Variants in KIF1A observed in about 807,000 individuals in gnomAD.
KIF1A encodes kinesin-like protein KIF1A.
KIF1A carries 46 observed loss-of-function variants against 227.3 expected under a neutral mutation model. The ratio of observed to expected loss-of-function variants is 0.20; its 90% CI spans 0.16 to 0.26. KIF1A has a LOEUF of 0.26. KIF1A is among the 10% of genes least tolerant of loss of function. KIF1A has a pLI of 1.00. For synonymous variants in KIF1A, 1,022 were observed against 1,012.8 expected, an observed-to-expected ratio of 1.01 and a Z score of -0.17; for missense variants, 1,683 against 2,485.9, an observed-to-expected ratio of 0.68 and a Z score of 6.87.
chr2:240,820,485 C>T (rs1039025731), upstream of KIF1A, among the ~76,000 whole-genome samples: 1 of 151,712 alleles, frequency 6.6e-6, no homozygotes, highest in African/African-American at 2.4e-5. The surrounding 1 kb of genome is among the most constrained non-coding windows in gnomAD (Gnocchi z 6.2). Context: ...AGCGTCCCCT[C>T]CCCCGGCGTG....
chr2:240,720,887 C>T, intron 45 of KIF1A, 27 bp downstream of exon 45: 1 of 1,531,828 alleles, frequency 6.5e-7, no homozygotes, highest in Non-Finnish European at 8.8e-7. Context: ...TGCCAGAAGC[C>T]ACTCCGGGAG....
At position 240,762,784 on chromosome 2, in the gene KIF1A, T is replaced by C. The variant is rs1263392842; in HGVS notation, c.2051A>G (p.Gln684Arg). The C allele has an allele frequency of 6.2e-7, 1 of 1,600,152 alleles. No individual in the cohort carries two copies. Among genetic ancestry groups the C allele is most frequent in the Non-Finnish European group, 8.5e-7 (1 of 1,170,528 alleles). Residue 684 changes from glutamine to arginine, a missense_variant, in exon 23 of 49, where the codon CAG becomes CGG. By Grantham distance (43) the Gln-to-Arg change is conservative (BLOSUM62 1). This residue lies in a region of KIF1A where 217 missense variants were observed against 427.0 expected (regional missense o/e 0.51). Coordinates refer to ENST00000498729, the MANE Select transcript of KIF1A (RefSeq NM_001244008.2). ...GTAGTACCTGGAGTCCATCTGCTTC[T>C]GCAGAGCCTCCAGCTTGCTCTCATA... The part of the protein sequence containing the change: ...LDYESKLEAL[Q>R]KQMDSRYYPE...
chr2:240,819,962 C>T (rs942767275), intron 1 of KIF1A, among the ~76,000 whole-genome samples, 160 bp downstream of exon 1: 3 of 152,082 alleles, frequency 2.0e-5, no homozygotes, highest in African/African-American at 7.2e-5. Flanking sequence ...AGTGAAGGGG[C>T]CTCGCAGTGC....
At chr2:240,807,032 A>G (rs1208419524) in intron 1 of KIF1A, among the ~76,000 whole-genome samples, 1 of 151,084 alleles carries the variant, frequency 6.6e-6, no homozygotes, top group Non-Finnish European at 1.5e-5. Flanking sequence ...AGTCCCTCAT[A>G]TGAGCTGGTG....
chr2:240,760,894 C>A, intron 24 of KIF1A, 51 bp from the exon 25 acceptor site: 1 of 1,535,872 alleles, frequency 6.5e-7, no homozygotes, highest in Non-Finnish European at 8.8e-7. Flanking sequence ...GACAGGGTGC[C>A]AGGTCCCCAA....
At chr2:240,768,459 C>T (rs999304253) in intron 17 of KIF1A, among the ~76,000 whole-genome samples, 25 of 152,370 alleles carry the variant, frequency 1.6e-4, no homozygotes, top group African/African-American at 6.0e-4. Flanking sequence ...TATGGACACA[C>T]AGGTGTCTGT....
At chr2:240,719,255 G>A in intron 46 of KIF1A, 57 bp from the exon 47 acceptor site, 6 of 1,545,604 alleles carry the variant, frequency 3.9e-6, no homozygotes, top group Non-Finnish European at 5.3e-6. Context: ...GACTGACTCG[G>A]GCACTCACCA....
At chr2:240,753,016 G>C (rs941004332) in intron 27 of KIF1A, among the ~76,000 whole-genome samples, 1 of 152,200 alleles carries the variant, frequency 6.6e-6, no homozygotes, top group Non-Finnish European at 1.5e-5. Context: ...CCAAAGCTTA[G>C]GGCAATTCCA....
chr2:240,775,876 C>T lies in KIF1A; in HGVS notation c.933G>A (p.Leu311=), dbSNP rs375492399. The change falls in exon 11 of 49, where the codon TTG becomes TTA. Residue 311 remains leucine (L), a synonymous_variant. Transcript: ENST00000498729. This position sits in a 1 kb window ranked among gnomAD's most constrained non-coding sequence, Gnocchi z 5.5. Reference sequence around the variant, plus strand: ...CCAGGTTTTCCCGGAGGAGCCAGGTCAACACGGAATCTCGGTACGGAATGA... The same window carrying T: ...CCAGGTTTTCCCGGAGGAGCCAGGTTAACACGGAATCTCGGTACGGAATGA... The part of the protein sequence containing the change: ...TDFIPYRDSV[L]TWLLRENLGG... 4.3e-6 allele frequency: 7 copies of T among 1,612,300 alleles called. No individual in the cohort carries two copies. Among genetic ancestry groups the T allele is most frequent in the Non-Finnish European group, 5.9e-6 (7 of 1,178,430 alleles).
At chr2:240,780,953 G>T (rs148242857) in intron 10 of KIF1A, among the ~76,000 whole-genome samples, 15 of 130 alleles carry the variant, frequency 0.12, 2 homozygotes, top group East Asian at 0.25. Flanking sequence ...CACACACAGC[G>T]CCACACACAC....
rs1479854164 is a variant in KIF1A, at chr2:240,790,998, T to C, written c.107-1686A>G. Among the ~76,000 whole-genome samples, 1 of 152,112 alleles carries C rather than the reference T, an allele frequency of 6.6e-6. No homozygotes were observed. The highest frequency in any genetic ancestry group is 1.5e-5 in the Non-Finnish European group (1 of 67,998). ...GACAGCACAGGCATCACTGGCAGCCTTGTCGCCAGGGCAGATCCAGTTTCA... is the reference window on the plus strand; with the variant it reads ...GACAGCACAGGCATCACTGGCAGCCCTGTCGCCAGGGCAGATCCAGTTTCA... On this transcript the variant is annotated intron_variant, in intron 2 of 48. Coordinates refer to ENST00000498729, the MANE Select transcript of KIF1A (RefSeq NM_001244008.2). This position sits in a 1 kb window ranked among gnomAD's most constrained non-coding sequence, Gnocchi z 5.0.
intron 1 of KIF1A, among the ~76,000 whole-genome samples, chr2:240,812,981 C>CGCCTTCACCTTGGAGATCT (rs2058046605): frequency 1.0e-4 from 2 of 19,354 alleles, no homozygotes; most frequent in East Asian, 3.1e-3. Flanking sequence ...CTCGGGGATC[C>CGCCTTCACCTTGGAGATCT]GCCTTCACCT....
chr2:240,776,926 C>T (rs1203129048), intron 10 of KIF1A, among the ~76,000 whole-genome samples: 2 of 152,262 alleles, frequency 1.3e-5, no homozygotes, highest in African/African-American at 2.4e-5. Flanking sequence ...GGCTTCTCTG[C>T]GAGCAGGGTT....
chr2:240,725,202 C>A lies in KIF1A; in HGVS notation c.4256+69G>T. Reference sequence around the variant, plus strand: ...GGGTGGCCCAAGGACCGCTGCCAGGCAGAGCCCTGCCTGGCCCGCACCGAG... The same window carrying A: ...GGGTGGCCCAAGGACCGCTGCCAGGAAGAGCCCTGCCTGGCCCGCACCGAG... On this transcript the variant is annotated intron_variant, in intron 40 of 48. Transcript: ENST00000498729. The surrounding 1 kb of genome is among the most constrained non-coding windows in gnomAD (Gnocchi z 5.8). 5.9e-6 allele frequency: 9 copies of A among 1,520,932 alleles called. No individual in the cohort carries two copies. Among genetic ancestry groups the A allele is most frequent in the Non-Finnish European group, 8.0e-6 (9 of 1,128,964 alleles). 94.2% of individuals were successfully genotyped at this position (1,520,932 alleles called of 1,614,324 possible). A position where few individuals can be genotyped will look rare whatever the true frequency, so the allele number is the denominator to read the frequency against.
In KIF1A at chr2:240,763,069, A is replaced by G. The variant is rs1457647093; in HGVS notation, c.1972T>C (p.Tyr658His). The change falls in exon 22 of 49, where the codon TAC becomes CAC. Residue 658 changes from tyrosine to histidine, a missense_variant. Around this residue, in one of 12 missense-constraint regions of KIF1A, gnomAD observed 217 missense variants for 427.0 expected, o/e 0.51. Coordinates refer to ENST00000498729, the MANE Select transcript of KIF1A (RefSeq NM_001244008.2). ...EQRLQELEDQ[Y>H]RREREEATYL... The stretch of plus-strand genomic sequence containing the variant: ...GTGGCCTCCTCCCGCTCGCGGCGGT[A>G]CTGGTCCTCCAGTTCCTGGAGCCTG... 6.4e-7 allele frequency: 1 copy of G among 1,570,012 alleles called. No homozygotes were observed. Among genetic ancestry groups the G allele is most frequent in the Non-Finnish European group, 8.6e-7 (1 of 1,159,900 alleles).
chr2:240,725,545 G>T lies in KIF1A; in HGVS notation c.4123-141C>A, dbSNP rs980359862. The T allele has an allele frequency of 1.8e-5, 15 of 849,174 alleles. No homozygotes were observed. The highest frequency in any genetic ancestry group is 9.1e-5 in the South Asian group (5 of 55,242). The allele number at this position is 849,174 out of a possible 1,614,324, so 52.6% of individuals were successfully genotyped here. On this transcript the variant is annotated intron_variant, in intron 39 of 48. Coordinates refer to ENST00000498729, the MANE Select transcript of KIF1A (RefSeq NM_001244008.2). This position sits in a 1 kb window ranked among gnomAD's most constrained non-coding sequence, Gnocchi z 5.8. ...CCAGGGCCTCAGGTGTGGCCTGGACGCAGGCAGGAGAAAGTCTCTGCTCCT... is the reference window on the plus strand; with the variant it reads ...CCAGGGCCTCAGGTGTGGCCTGGACTCAGGCAGGAGAAAGTCTCTGCTCCT...
At chr2:240,750,841 G>C (rs1192114834) in intron 27 of KIF1A, among the ~76,000 whole-genome samples, 1 of 152,184 alleles carries the variant, frequency 6.6e-6, no homozygotes, top group Non-Finnish European at 1.5e-5. Context: ...AGCAGCCGAG[G>C]AGGGAGGTTT....
chr2:240,746,851 A>T (rs1416374951), intron 29 of KIF1A, among the ~76,000 whole-genome samples: 1 of 152,140 alleles, frequency 6.6e-6, no homozygotes, highest in African/African-American at 2.4e-5. Flanking sequence ...CAGGCGAAGG[A>T]GCAGGCGAAG....
intron 8 of KIF1A, 59 bp downstream of exon 8, chr2:240,783,680 C>A: frequency 7.3e-7 from 1 of 1,375,028 alleles, no homozygotes; most frequent in African/African-American, 1.4e-5. Flanking sequence ...CCTCCTGCCA[C>A]CCACTCTGGA....
Sources: gnomAD v4.1 joint callset for allele counts (sites outside exome capture counted in the v4.1 genomes callset) on GRCh38, gnomAD v4.1.1 for gene constraint, gnomAD v4.1.1 regional missense constraint, Gnocchi (gnomAD v3.1) non-coding constraint, MANE v1.5 for transcripts, NCBI Gene and HGNC (gene_info 2026-07-23, HGNC 2026-07-21) for gene names.